Variants in TALDO1 observed in about 807,000 individuals in gnomAD.
TALDO1 encodes transaldolase.
Under a neutral mutation model 38.1 loss-of-function variants are expected in TALDO1, and 29 were observed. That is an observed-to-expected ratio of 0.76 (90% confidence interval 0.57 to 1.04). TALDO1 has a LOEUF of 1.04. Ranked by LOEUF, TALDO1 falls within the 50% of genes least tolerant of loss-of-function variation. The pLI is 0.00. For missense variants in TALDO1, 499 were observed against 438.1 expected (o/e 1.14, Z -1.24); for synonymous variants, 207 against 176.8 (o/e 1.17, Z -1.36).
chr11:749,705 C>A (rs754330459), intron 1 of TALDO1, among the ~76,000 whole-genome samples: 1 of 152,114 alleles, frequency 6.6e-6, no homozygotes, highest in Non-Finnish European at 1.5e-5. Flanking sequence ...CCCAATGGGC[C>A]TTGGTTTTGT....
chr11:756,437 A>G (rs1407237681), intron 2 of TALDO1, among the ~76,000 whole-genome samples: 2 of 152,072 alleles, frequency 1.3e-5, no homozygotes, highest in East Asian at 3.9e-4. Context: ...TCCCTGGTGC[A>G]AGCAATTCTC....
chr11:755,999 G>T lies in TALDO1; in HGVS notation c.218G>T (p.Gly73Val), dbSNP rs760152345. The T allele has an allele frequency of 6.2e-7, 1 of 1,612,758 alleles. No individual in the cohort carries two copies. Among genetic ancestry groups the T allele is most frequent in the Non-Finnish European group, 8.5e-7 (1 of 1,179,652 alleles). The change falls in exon 2 of 8, where the codon GGC (glycine) becomes GTC (valine). Residue 73 changes from glycine to valine, a missense_variant. Physicochemically the swap from Gly to Val is moderately radical, Grantham distance 109. Transcript: ENST00000319006. ...GCGATTGCCTATGGCCGGAAGCTGG[G>T]CGGGTGAGTGCCTGGACTCGGGAGG... ...EEAIAYGRKL[G>V]GSQEDQIKNA...
chr11:759,068 T>C lies in TALDO1; in HGVS notation c.329+11T>C. The C allele has an allele frequency of 1.9e-6, 3 of 1,607,020 alleles. No individual in the cohort carries two copies. The highest frequency in any genetic ancestry group is 2.6e-6 in the Non-Finnish European group (3 of 1,174,800). ...AGAAGTAGACGCAAGGTAAGGATGC[T>C]TGCTCCTGCACTGGATGGGCTGGTC... On this transcript the variant is annotated intron_variant, in intron 3 of 7. Transcript: ENST00000319006.
At chr11:753,402 G>A (rs1373618052) in intron 1 of TALDO1, among the ~76,000 whole-genome samples, 2 of 152,090 alleles carry the variant, frequency 1.3e-5, no homozygotes, top group Non-Finnish European at 2.9e-5. Context: ...GCAGTGGCGG[G>A]CGCCTGTAGT....
rs560683320 is a variant in TALDO1, at chr11:749,396, C to T, written c.97+1818C>T. ...CAGCCTGGGCGACAGAGCAAAACTC[C>T]GTCTCAAAAAAAAAAAAAAAAAAAT... On this transcript the variant is annotated intron_variant, in intron 1 of 7. Transcript: ENST00000319006. Among the ~76,000 whole-genome samples, 8 of 79,336 alleles carry T rather than the reference C, an allele frequency of 1.0e-4. No homozygotes were observed. The East Asian group carries it at 1.6e-3, about 15-fold the overall frequency. 52.0% of individuals were successfully genotyped at this position (79,336 alleles called of 152,430 possible). A position where few individuals can be genotyped will look rare whatever the true frequency, so the allele number is the denominator to read the frequency against.
At position 763,340 on chromosome 11, in the gene TALDO1, G is replaced by T; in HGVS notation, c.462-4G>T. ...CCCCGCCCTCACCTGTCCCCGCCCC[G>T]CAGGGAGCTCGAGGAGCAGCACGGC... is the stretch of plus-strand genomic sequence containing the variant. On this transcript the variant is annotated splice_polypyrimidine_tract_variant and splice_region_variant and intron_variant, in intron 4 of 7. Transcript: ENST00000319006. The T allele has an allele frequency of 6.6e-7, 1 of 1,514,048 alleles. No individual in the cohort carries two copies. Among genetic ancestry groups the T allele is most frequent in the South Asian group, 1.1e-5 (1 of 89,146 alleles). 93.8% of individuals were successfully genotyped at this position (1,514,048 alleles called of 1,614,324 possible). A position where few individuals can be genotyped will look rare whatever the true frequency, so the allele number is the denominator to read the frequency against.
chr11:764,669 TG>T, intron 7 of TALDO1, 143 bp from the exon 8 acceptor site: 1 of 1,397,088 alleles, frequency 7.2e-7, no homozygotes, highest in Non-Finnish European at 1.0e-6. Context: ...GTGGTGACTG[TG>T]GTATTGGCCA....
chr11:750,633 G>C (rs887355551), intron 1 of TALDO1, among the ~76,000 whole-genome samples: 2 of 152,186 alleles, frequency 1.3e-5, no homozygotes, highest in African/African-American at 4.8e-5. Context: ...GACCATCCTG[G>C]CTAACACGGT....
At position 764,432 on chromosome 11, in the gene TALDO1, CAGTG is replaced by C. The variant is rs768808209; in HGVS notation, c.981+4_981+7del. 5 of 1,614,062 alleles carry C rather than the reference CAGTG, an allele frequency of 3.1e-6. No homozygotes were observed. The African/African-American group carries it at 4.0e-5, about 13-fold the overall frequency. ...GCAGTGAAGCTGGAGCGGATGCTGA[CAGTG>C]AGTGTTGTGTGTGGGTACCTACATA... On this transcript the variant is annotated splice_donor_variant and splice_donor_region_variant and coding_sequence_variant and intron_variant, in exon 7 of 8. Coordinates refer to ENST00000319006, the MANE Select transcript of TALDO1 (RefSeq NM_006755.2). LOFTEE classifies it high-confidence loss of function.
intron 1 of TALDO1, among the ~76,000 whole-genome samples, chr11:753,028 C>A (rs1862773604): frequency 6.6e-6 from 1 of 152,120 alleles, no homozygotes; most frequent in Non-Finnish European, 1.5e-5. Flanking sequence ...GGGGAGAAAC[C>A]CCCACACATC....
chr11:757,509 G>A (rs1862858705), intron 2 of TALDO1, among the ~76,000 whole-genome samples: 1 of 152,050 alleles, frequency 6.6e-6, no homozygotes, highest in Non-Finnish European at 1.5e-5. Flanking sequence ...GCCCTAGCTG[G>A]TTTCGAACTC....
intron 1 of TALDO1, among the ~76,000 whole-genome samples, chr11:751,063 G>GT (rs1011759277): frequency 9.2e-5 from 14 of 151,822 alleles, no homozygotes; most frequent in Non-Finnish European, 1.8e-4. Context: ...TGTTTTTGGG[G>GT]TTTTTTTTGA....
At position 758,955 on chromosome 11, in the gene TALDO1, A is replaced by G. The variant is rs1466063911; in HGVS notation, c.227A>G (p.Gln76Arg). The stretch of plus-strand genomic sequence containing the variant: ...TTTTTCCCTTTGAATTTCAGGTCAC[A>G]AGAGGACCAGATTAAAAATGCTATT... ...IAYGRKLGGS[Q>R]EDQIKNAIDK... Residue 76 changes from glutamine (Q) to arginine (R), a missense_variant, in exon 3 of 8, where the codon CAA becomes CGA. By Grantham distance (43) the Gln-to-Arg change is conservative. Coordinates refer to ENST00000319006, the MANE Select transcript of TALDO1 (RefSeq NM_006755.2). The G allele has an allele frequency of 6.2e-7, 1 of 1,610,296 alleles. No homozygotes were observed. Among genetic ancestry groups the G allele is most frequent in the Non-Finnish European group, 8.5e-7 (1 of 1,177,542 alleles).
chr11:764,316 C>A lies in TALDO1; in HGVS notation c.864C>A (p.His288Gln), dbSNP rs771865387. ...AAGCCAGTGACCTGGAAAAAATCCA[C>A]CTGGATGAGAAGTCTTTCCGTTGGT... ...AAQASDLEKI[H>Q]LDEKSFRWLH... Residue 288 changes from histidine (H) to glutamine (Q), a missense_variant, in exon 7 of 8, where the codon CAC (histidine) becomes CAA (glutamine). Transcript: ENST00000319006. 3.7e-6 allele frequency: 6 copies of A among 1,614,226 alleles called. No homozygotes were observed. Among genetic ancestry groups the A allele is most frequent in the South Asian group, 1.1e-5 (1 of 91,088 alleles).
Position 763,433 on chromosome 11 carries a change from C to G in TALDO1, c.551C>G (p.Thr184Ser). The G allele has an allele frequency of 6.2e-7, 1 of 1,613,480 alleles. No homozygotes were observed. The highest frequency in any genetic ancestry group is 1.1e-5 in the South Asian group (1 of 91,048). The change falls in exon 5 of 8, where the codon ACC becomes AGC. Residue 184 changes from threonine (T) to serine (S), a missense_variant. Physicochemically the swap from Thr to Ser is moderately conservative, Grantham distance 58 (BLOSUM62 1). Coordinates refer to ENST00000319006, the MANE Select transcript of TALDO1 (RefSeq NM_006755.2). ...GTGGCCTGTGCCGAGGCGGGTGTGACCCTCATCTCCCCATTTGTTGGGCGC... is the reference window on the plus strand; with the variant it reads ...GTGGCCTGTGCCGAGGCGGGTGTGAGCCTCATCTCCCCATTTGTTGGGCGC... ...QAVACAEAGVTLISPFVGRIL... is the reference protein window; with the variant it reads ...QAVACAEAGVSLISPFVGRIL...
At chr11:764,788 C>G in intron 7 of TALDO1, 25 bp from the exon 8 acceptor site, 1 of 1,614,178 alleles carries the variant, frequency 6.2e-7, no homozygotes, top group Non-Finnish European at 8.5e-7. Flanking sequence ...TGGGGAGACA[C>G]AGCTCGTGCT....
chr11:747,615 C>A, intron 1 of TALDO1, 37 bp downstream of exon 1: 1 of 1,516,164 alleles, frequency 6.6e-7, no homozygotes, highest in Non-Finnish European at 8.9e-7. Context: ...GGCGCAAGCG[C>A]CCTCCAGAGG....
At chr11:758,695 C>G (rs551420192) in intron 2 of TALDO1, among the ~76,000 whole-genome samples, 1 of 151,948 alleles carries the variant, frequency 6.6e-6, no homozygotes, top group African/African-American at 2.4e-5. Context: ...AGCTCCACCT[C>G]CCAGGTTCAC....
At chr11:760,806 G>T (rs532526270) in intron 4 of TALDO1, 2 of 162,568 alleles carry the variant, frequency 1.2e-5, no homozygotes, top group Non-Finnish European at 2.7e-5. Flanking sequence ...AGGCCGAGGC[G>T]TGGGGATCAC....
Sources: allele counts gnomAD v4.1 joint callset (sites outside exome capture counted in the v4.1 genomes callset), GRCh38; gene constraint gnomAD v4.1.1; transcripts MANE v1.5; gene names NCBI Gene and HGNC (gene_info 2026-07-23, HGNC 2026-07-21).